The following RSPO4 variants were observed in gnomAD, a reference collection of about 807,000 sequenced individuals.
RSPO4 encodes R-spondin-4.
Under a neutral mutation model 24.8 loss-of-function variants are expected in RSPO4, and 23 were observed. The observed-to-expected ratio is 0.93, with a 90% CI of 0.67 to 1.31. The LOEUF (loss-of-function observed/expected upper bound fraction) is 1.31. RSPO4 is among the 40% of genes most tolerant of loss of function. RSPO4 has a pLI of 0.00. For missense variants in RSPO4, 333 were observed against 316.5 expected (o/e 1.05, Z -0.39); for synonymous variants, 141 against 127.4 (o/e 1.11, Z -0.72).
At position 968,063 on chromosome 20, in the gene RSPO4, T is replaced by C. The variant is rs761750744; in HGVS notation, c.155A>G (p.Gln52Arg). Reference protein sequence around the residue: ...SEENGCSTCQQRLFLFIRREG... With the variant: ...SEENGCSTCQRRLFLFIRREG... Reference sequence around the variant, plus strand: ...CCGGCGGATGAACAGGAAGAGCCTCTGCTGGCAGGTGGAACAGCCGTTCTC... The same window carrying C: ...CCGGCGGATGAACAGGAAGAGCCTCCGCTGGCAGGTGGAACAGCCGTTCTC... Residue 52 changes from glutamine to arginine, a missense_variant, in exon 2 of 5, where the codon CAG (glutamine) becomes CGG (arginine). By Grantham distance (43) the Gln-to-Arg change is conservative (BLOSUM62 1). Transcript: ENST00000217260. 2.5e-6 allele frequency: 4 copies of C among 1,614,218 alleles called. No individual in the cohort carries two copies. Among genetic ancestry groups the C allele is most frequent in the East Asian group, 4.5e-5 (2 of 44,888 alleles).
At chr20:966,037 G>C (rs2122214282) in intron 3 of RSPO4, among the ~76,000 whole-genome samples, 1 of 152,286 alleles carries the variant, frequency 6.6e-6, no homozygotes, top group Admixed American at 6.5e-5. Flanking sequence ...TTGAAACCCA[G>C]AGGAAACCCA....
In RSPO4 at chr20:972,478, T is replaced by C. The variant is rs142273947; in HGVS notation, c.80-4340A>G. Among the ~76,000 whole-genome samples, 288 of 152,366 alleles carry C rather than the reference T, an allele frequency of 1.9e-3. 2 individuals are homozygous for C. The highest frequency in any genetic ancestry group is 5.0e-3 in the Admixed American group (76 of 15,308). The stretch of plus-strand genomic sequence containing the variant: ...CTGACCAATGGGATATGAGCGGGCA[T>C]GCCCTGTACAGCCCCTTAGGAAACG... On this transcript the variant is annotated intron_variant, in intron 1 of 4. Coordinates refer to ENST00000217260, the MANE Select transcript of RSPO4 (RefSeq NM_001029871.4).
intron 1 of RSPO4, among the ~76,000 whole-genome samples, chr20:997,300 G>T (rs1233842963): frequency 5.9e-5 from 9 of 152,142 alleles, no homozygotes; most frequent in Non-Finnish European, 1.2e-4. Context: ...GGGGCCCCCC[G>T]TGGTGGGGCA....
Position 1,002,299 on chromosome 20 carries a change from G to A in RSPO4, c.-135C>T. ...GCATCCGCCAGGCGCGGGTCGGTCC[G>A]GCCGCCAGGTCTAGTGAGGGCGTTG... On this transcript the variant is annotated 5_prime_UTR_variant, in exon 1 of 5. Transcript: ENST00000217260. This position sits in a 1 kb window ranked among gnomAD's most constrained non-coding sequence, Gnocchi z 4.6. 1 of 304,784 alleles carries A rather than the reference G, an allele frequency of 3.3e-6. No individual in the cohort carries two copies. Among genetic ancestry groups the A allele is most frequent in the Non-Finnish European group, 5.2e-6 (1 of 193,490 alleles). The allele number at this position is 304,784 out of a possible 1,614,324, so 18.9% of individuals were successfully genotyped here. A position where few individuals can be genotyped will look rare whatever the true frequency, so the allele number is the denominator to read the frequency against.
intron 4 of RSPO4, among the ~76,000 whole-genome samples, chr20:961,840 C>T (rs1984009557): frequency 6.6e-6 from 1 of 151,874 alleles, no homozygotes. Context: ...CATCTACTCA[C>T]CCACCTCCAT....
Position 967,964 on chromosome 20 carries a change from A to G in RSPO4, c.254T>C (p.Val85Ala), listed in dbSNP as rs1472487326. 3.7e-6 allele frequency: 6 copies of G among 1,613,948 alleles called. No homozygotes were observed. The East Asian group carries it at 6.7e-5, about 18-fold the overall frequency. Reference protein sequence around the residue: ...PGYFGIRGQEVNRCKKCGATC... With the variant: ...PGYFGIRGQEANRCKKCGATC... Reference sequence around the variant, plus strand: ...AAGCCACGTACTTTTGCACCTGTTGACCTCCTGGCCGCGGATGCCGAAGTA... The same window carrying G: ...AAGCCACGTACTTTTGCACCTGTTGGCCTCCTGGCCGCGGATGCCGAAGTA... Residue 85 changes from valine (V) to alanine (A), a missense_variant, in exon 2 of 5, where the codon GTC (valine) becomes GCC (alanine). Transcript: ENST00000217260.
intron 1 of RSPO4, among the ~76,000 whole-genome samples, chr20:980,014 T>C (rs953253475): frequency 4.6e-5 from 7 of 152,240 alleles, no homozygotes; most frequent in African/African-American, 1.7e-4. Flanking sequence ...TTCTCACTTA[T>C]GCAGCACCTG....
chr20:993,085 C>A (rs1985163101), intron 1 of RSPO4, among the ~76,000 whole-genome samples: 1 of 152,226 alleles, frequency 6.6e-6, no homozygotes, highest in African/African-American at 2.4e-5. Context: ...TGCCATCGGG[C>A]TCCAGGGAAA....
rs1338084646 is a variant in RSPO4, at chr20:960,387, C to T, written c.675G>A (p.Val225=). 1 of 1,538,302 alleles carries T rather than the reference C, an allele frequency of 6.5e-7. No homozygotes were observed. Among genetic ancestry groups the T allele is most frequent in the Non-Finnish European group, 8.7e-7 (1 of 1,147,280 alleles). ...GCTGCAGGCCGGGCTGGCGCGGCCT[C>T]ACGTCCAGCCTGCGGTCCAGCTTCC... ...KDRKLDRRLD[V]RPRQPGLQP The change falls in exon 5 of 5, where the codon GTG becomes GTA. Residue 225 remains valine, a synonymous_variant. Transcript: ENST00000217260.
intron 1 of RSPO4, among the ~76,000 whole-genome samples, chr20:996,241 C>T (rs900976663): frequency 6.6e-6 from 1 of 152,192 alleles, no homozygotes; most frequent in African/African-American, 2.4e-5. Context: ...CATTCCATTC[C>T]GTTACCATTC....
chr20:961,832 T>TCTACTCACCCAC, intron 4 of RSPO4, among the ~76,000 whole-genome samples: 1 of 151,508 alleles, frequency 6.6e-6, no homozygotes. Context: ...TATTCACCCA[T>TCTACTCACCCAC]CTACTCACCC....
intron 4 of RSPO4, among the ~76,000 whole-genome samples, 176 bp from the exon 5 acceptor site, chr20:960,642 T>C (rs890360083): frequency 2.6e-5 from 4 of 152,218 alleles, no homozygotes; most frequent in Non-Finnish European, 5.9e-5. Context: ...TGGGCTAAGG[T>C]ACCCCAAACT....
At chr20:994,355 G>A (rs2122271306) in intron 1 of RSPO4, among the ~76,000 whole-genome samples, 1 of 152,320 alleles carries the variant, frequency 6.6e-6, no homozygotes. Context: ...CTGAGGACAG[G>A]ACTAGCCTTG....
At chr20:988,606 AGTG>A (rs766198600) in intron 1 of RSPO4, among the ~76,000 whole-genome samples, 51 of 152,142 alleles carry the variant, frequency 3.4e-4, no homozygotes, top group Admixed American at 2.6e-4. Flanking sequence ...GCTGGAGTGC[AGTG>A]GTGTGATCTC....
intron 1 of RSPO4, among the ~76,000 whole-genome samples, chr20:975,683 T>C (rs2122230428): frequency 6.6e-6 from 1 of 152,330 alleles, no homozygotes; most frequent in South Asian, 2.1e-4. Context: ...GGTTGAGTGA[T>C]CCATTCATTC....
intron 4 of RSPO4, among the ~76,000 whole-genome samples, chr20:961,738 A>C (rs1243558281): frequency 6.6e-6 from 1 of 151,844 alleles, no homozygotes; most frequent in Non-Finnish European, 1.5e-5. Flanking sequence ...CCCCTTCCCT[A>C]GGCCTGCCTG....
intron 1 of RSPO4, among the ~76,000 whole-genome samples, chr20:975,864 T>C (rs1984547562): frequency 6.6e-6 from 1 of 152,162 alleles, no homozygotes. Context: ...ATGCTTATCT[T>C]GCAGGGCTGT....
chr20:996,321 C>T (rs1468849177), intron 1 of RSPO4, among the ~76,000 whole-genome samples: 1 of 152,186 alleles, frequency 6.6e-6, no homozygotes, highest in Non-Finnish European at 1.5e-5. Flanking sequence ...GCATTGTAAA[C>T]CTCAGCTTGG....
chr20:966,242 G>A (rs974658679), intron 3 of RSPO4, among the ~76,000 whole-genome samples: 1 of 151,952 alleles, frequency 6.6e-6, no homozygotes, highest in Admixed American at 6.5e-5. Context: ...GAATGCCAAG[G>A]AGCAGCCTAG....
Sources: gnomAD v4.1 joint callset for allele counts (sites outside exome capture counted in the v4.1 genomes callset) on GRCh38, gnomAD v4.1.1 for gene constraint, Gnocchi (gnomAD v3.1) non-coding constraint, MANE v1.5 for transcripts, NCBI Gene and HGNC (gene_info 2026-07-23, HGNC 2026-07-21) for gene names.